Variants in DNAH11 observed in about 807,000 individuals in gnomAD.
DNAH11 encodes the protein dynein axonemal heavy chain 11, also known as axonemal beta dynein heavy chain 11.
A neutral mutation model predicts 526.0 loss-of-function variants in DNAH11; 442 were observed. The ratio of observed to expected loss-of-function variants is 0.84; its 90% CI spans 0.78 to 0.91. The LOEUF (loss-of-function observed/expected upper bound fraction) is 0.91, where lower values mean the gene tolerates loss of function less well. DNAH11 is among the 40% of genes least tolerant of loss of function. The pLI is 0.00. For missense variants in DNAH11, 6,989 were observed against 5,448.7 expected (o/e 1.28, Z -8.90); for synonymous variants, 2,461 against 1,935.9 (o/e 1.27, Z -7.12).
At chr7:21,740,379 T>G (rs1450372902) in intron 48 of DNAH11, among the ~76,000 whole-genome samples, 2 of 152,118 alleles carry the variant, frequency 1.3e-5, no homozygotes, top group African/African-American at 4.8e-5. Context: ...GAGCTCCCCT[T>G]TTTCTCCTCC....
At chr7:21,737,908 G>C (rs1254702709) in intron 46 of DNAH11, among the ~76,000 whole-genome samples, 1 of 152,134 alleles carries the variant, frequency 6.6e-6, no homozygotes, top group African/African-American at 2.4e-5. Flanking sequence ...GGAAATGTGG[G>C]TCTGCTTCTT....
intron 79 of DNAH11, among the ~76,000 whole-genome samples, chr7:21,897,589 G>A (rs1328475651): frequency 1.3e-5 from 2 of 150,938 alleles, no homozygotes; most frequent in Admixed American, 1.3e-4. Flanking sequence ...AGATTCAAAG[G>A]TATAATTTAG....
intron 28 of DNAH11, among the ~76,000 whole-genome samples, chr7:21,648,633 A>G (rs1426218120): frequency 6.6e-5 from 10 of 152,252 alleles, no homozygotes; most frequent in African/African-American, 2.2e-4. Context: ...CAAAACCAAC[A>G]CACAGAATTG....
chr7:21,682,999 T>C (rs13232674), intron 31 of DNAH11, among the ~76,000 whole-genome samples: 2 of 152,226 alleles, frequency 1.3e-5, no homozygotes, highest in African/African-American at 4.8e-5. Flanking sequence ...TATGGCCTTG[T>C]ATCTTCTTAT....
intron 2 of DNAH11, among the ~76,000 whole-genome samples, chr7:21,549,776 T>A (rs7789688): frequency 0.19 from 29,555 of 152,198 alleles, 2,953 homozygotes; most frequent in Middle Eastern, 0.26. Context: ...GTCCACCATA[T>A]AGTATCCCAG....
intron 9 of DNAH11, among the ~76,000 whole-genome samples, chr7:21,582,563 T>A (rs76734625): frequency 6.6e-6 from 1 of 152,160 alleles, no homozygotes; most frequent in African/African-American, 2.4e-5. Context: ...GTCGCAGAGA[T>A]TTTGAAACAT....
chr7:21,766,652 T>G (rs1025420697), intron 55 of DNAH11, among the ~76,000 whole-genome samples: 1 of 152,166 alleles, frequency 6.6e-6, no homozygotes. Flanking sequence ...TATTTACATA[T>G]TTAATTGTTT....
intron 28 of DNAH11, among the ~76,000 whole-genome samples, chr7:21,651,830 G>T (rs1394293239): frequency 6.6e-6 from 1 of 152,158 alleles, no homozygotes; most frequent in South Asian, 2.1e-4. Context: ...TAACTCTCCA[G>T]CCCACAAAAA....
At chr7:21,724,477 T>C (rs550152320) in intron 44 of DNAH11, among the ~76,000 whole-genome samples, 1 of 152,312 alleles carries the variant, frequency 6.6e-6, no homozygotes, top group East Asian at 1.9e-4. Flanking sequence ...AAATCACGGT[T>C]GAAGTCATAG....
Position 21,864,571 on chromosome 7 carries a change from T to C in DNAH11, c.11410T>C (p.Leu3804=), listed in dbSNP as rs760818521. Residue 3804 remains leucine (L), a synonymous_variant, in exon 70 of 82, where the codon TTG becomes CTG. Coordinates refer to ENST00000409508, the MANE Select transcript of DNAH11 (RefSeq NM_001277115.2). The part of the protein sequence containing the change: ...LRKKEIDPLE[L]DFLLRFTVEH... ...AAAGAAAGAGATAGACCCTCTTGAA[T>C]TGGATTTCCTGCTTCGATTCACAGT... 4.3e-6 allele frequency: 7 copies of C among 1,612,348 alleles called. No homozygotes were observed. The highest frequency in any genetic ancestry group is 4.2e-6 in the Non-Finnish European group (5 of 1,179,082).
chr7:21,811,644 G>T (rs950596823), intron 63 of DNAH11, among the ~76,000 whole-genome samples: 1 of 152,126 alleles, frequency 6.6e-6, no homozygotes, highest in African/African-American at 2.4e-5. Flanking sequence ...GCTAGATAAT[G>T]ATGATGGTTG....
chr7:21,648,581 A>G (rs1160180634), intron 28 of DNAH11, among the ~76,000 whole-genome samples: 1 of 152,254 alleles, frequency 6.6e-6, no homozygotes, highest in Non-Finnish European at 1.5e-5. Flanking sequence ...CCAGCAGGCT[A>G]CAAATATGTG....
At chr7:21,575,287 C>T (rs1038844211) in intron 8 of DNAH11, among the ~76,000 whole-genome samples, 1 of 152,144 alleles carries the variant, frequency 6.6e-6, no homozygotes, top group Non-Finnish European at 1.5e-5. Context: ...GGACCTATGG[C>T]CTGAGATGGA....
At chr7:21,900,907 A>AACCAGAATGTTGAATGTTTATT (rs2128053126) in intron 81 of DNAH11, 100 bp from the exon 82 acceptor site, 1 of 1,477,528 alleles carries the variant, frequency 6.8e-7, no homozygotes, top group South Asian at 1.6e-5. Flanking sequence ...AATATGACAA[A>AACCAGAATGTTGAATGTTTATT]ACCAGAATGT....
At chr7:21,725,441 A>C (rs991896882) in intron 44 of DNAH11, among the ~76,000 whole-genome samples, 1 of 152,240 alleles carries the variant, frequency 6.6e-6, no homozygotes, top group Admixed American at 6.5e-5. Context: ...CTATAAGCTC[A>C]GAACAAAGGA....
intron 63 of DNAH11, among the ~76,000 whole-genome samples, chr7:21,815,632 C>A (rs1397235387): frequency 6.6e-6 from 1 of 152,120 alleles, no homozygotes; most frequent in Non-Finnish European, 1.5e-5. Context: ...CCCCACCAAG[C>A]TAGGGGGCTA....
At chr7:21,619,879 A>C (rs1785956117) in intron 24 of DNAH11, 77 bp from the exon 25 acceptor site, 1 of 1,423,392 alleles carries the variant, frequency 7.0e-7, no homozygotes, top group Non-Finnish European at 9.5e-7. Flanking sequence ...AGTTGAAAAA[A>C]ATTAATTCCA....
chr7:21,773,028 TC>T (rs1398063718), intron 55 of DNAH11, among the ~76,000 whole-genome samples: 1 of 152,152 alleles, frequency 6.6e-6, no homozygotes, highest in South Asian at 2.1e-4. Context: ...TTTGTAGGCT[TC>T]CCTTGATTAA....
At chr7:21,628,648 C>G (rs1000575008) in intron 25 of DNAH11, among the ~76,000 whole-genome samples, 1 of 152,062 alleles carries the variant, frequency 6.6e-6, no homozygotes, top group African/African-American at 2.4e-5. Context: ...TCCCACTTAA[C>G]CATGGTAAAT....
Sources: allele counts gnomAD v4.1 joint callset (sites outside exome capture counted in the v4.1 genomes callset), GRCh38; gene constraint gnomAD v4.1.1; transcripts MANE v1.5; gene names NCBI Gene and HGNC (gene_info 2026-07-23, HGNC 2026-07-21).